Variants in NDUFAF2 observed in about 807,000 individuals in gnomAD.
NDUFAF2 encodes NADH:ubiquinone oxidoreductase complex assembly factor 2.
In NDUFAF2, 13 loss-of-function variants were observed where a neutral mutation model predicts 22.8. That is an observed-to-expected ratio of 0.57 (90% CI 0.37 to 0.91). The LOEUF (loss-of-function observed/expected upper bound fraction) is 0.91, where lower values mean the gene tolerates loss of function less well. Among genes scored for constraint, NDUFAF2 ranks in the 40% least tolerant of loss-of-function variants. The pLI, the probability that NDUFAF2 is intolerant of heterozygous loss-of-function variation, is 0.01. For synonymous variants in NDUFAF2, 53 were observed against 64.2 expected (o/e 0.83, Z 0.84); for missense variants, 162 against 195.2 (o/e 0.83, Z 1.01).
At chr5:60,963,242 C>G (rs900841924) in intron 1 of NDUFAF2, among the ~76,000 whole-genome samples, 4 of 152,054 alleles carry the variant, frequency 2.6e-5, no homozygotes, top group African/African-American at 9.7e-5. Context: ...TCTAAATGTC[C>G]CCTGATATAA....
At chr5:60,954,896 C>T (rs1442938364) in intron 1 of NDUFAF2, among the ~76,000 whole-genome samples, 1 of 152,102 alleles carries the variant, frequency 6.6e-6, no homozygotes, top group Non-Finnish European at 1.5e-5. Flanking sequence ...TGGAGAAATG[C>T]CTGTTAGTTC....
At chr5:61,047,260 A>G (rs906384217) in intron 1 of NDUFAF2, among the ~76,000 whole-genome samples, 1 of 152,154 alleles carries the variant, frequency 6.6e-6, no homozygotes, top group Non-Finnish European at 1.5e-5. Flanking sequence ...CTTTACATAT[A>G]GTAACTAATT....
intron 1 of NDUFAF2, among the ~76,000 whole-genome samples, chr5:60,997,561 C>T (rs1751244233): frequency 6.6e-6 from 1 of 152,122 alleles, no homozygotes; most frequent in Non-Finnish European, 1.5e-5. Context: ...GATTCATAAA[C>T]TGGAAGGTTA....
At chr5:60,968,602 ATG>A (rs1162746791) in intron 1 of NDUFAF2, among the ~76,000 whole-genome samples, 2 of 151,846 alleles carry the variant, frequency 1.3e-5, no homozygotes, top group Non-Finnish European at 2.9e-5. Flanking sequence ...TACATAGTAA[ATG>A]TATATATGTA....
At chr5:61,131,547 GT>G (rs1167741958) in intron 3 of NDUFAF2, among the ~76,000 whole-genome samples, 3 of 152,048 alleles carry the variant, frequency 2.0e-5, no homozygotes, top group Non-Finnish European at 4.4e-5. Flanking sequence ...ATACAAGAAT[GT>G]TGTTTGTAGT....
intron 3 of NDUFAF2, among the ~76,000 whole-genome samples, chr5:61,151,222 A>T (rs1218602195): frequency 6.6e-6 from 1 of 152,186 alleles, no homozygotes; most frequent in Non-Finnish European, 1.5e-5. Flanking sequence ...AATCAATATT[A>T]CTTGAAATTC....
At chr5:61,131,360 G>A (rs1579846873) in intron 3 of NDUFAF2, among the ~76,000 whole-genome samples, 1 of 151,596 alleles carries the variant, frequency 6.6e-6, no homozygotes, top group African/African-American at 2.4e-5. Context: ...GTTTTTTTGG[G>A]GGGTTTTTTG....
intron 1 of NDUFAF2, among the ~76,000 whole-genome samples, chr5:60,981,007 G>A (rs1750969505): frequency 6.6e-6 from 1 of 152,110 alleles, no homozygotes; most frequent in African/African-American, 2.4e-5. Flanking sequence ...GAGAGATGGG[G>A]TAGAAAGTTT....
At chr5:60,978,438 G>A (rs1580076502) in intron 1 of NDUFAF2, among the ~76,000 whole-genome samples, 1 of 152,136 alleles carries the variant, frequency 6.6e-6, no homozygotes, top group African/African-American at 2.4e-5. Context: ...TTCTGGGGAG[G>A]CCTCAGGAAA....
chr5:61,061,712 C>G (rs962436082), intron 1 of NDUFAF2, among the ~76,000 whole-genome samples: 2 of 152,096 alleles, frequency 1.3e-5, no homozygotes. Flanking sequence ...CTGAGGAACC[C>G]AACTCTCCAG....
intron 3 of NDUFAF2, among the ~76,000 whole-genome samples, chr5:61,131,905 A>G (rs1753117174): frequency 6.6e-6 from 1 of 151,994 alleles, no homozygotes; most frequent in Non-Finnish European, 1.5e-5. Context: ...ACATTTCTGT[A>G]TTTTTTTCAA....
At chr5:61,109,215 G>C (rs537633731) in intron 3 of NDUFAF2, among the ~76,000 whole-genome samples, 1 of 152,000 alleles carries the variant, frequency 6.6e-6, no homozygotes, top group Admixed American at 6.6e-5. Context: ...TTTGTTTGTA[G>C]CTATTGTAAA....
At chr5:61,049,897 A>ACACACG (rs1554081289) in intron 1 of NDUFAF2, among the ~76,000 whole-genome samples, 11 of 151,100 alleles carry the variant, frequency 7.3e-5, no homozygotes, top group African/African-American at 2.7e-4. Flanking sequence ...ACACACACAC[A>ACACACG]CACACACACA....
At chr5:60,986,196 G>A (rs992102128) in intron 1 of NDUFAF2, among the ~76,000 whole-genome samples, 2 of 152,214 alleles carry the variant, frequency 1.3e-5, no homozygotes, top group African/African-American at 2.4e-5. Context: ...CTACACTCTT[G>A]TGTTCATTGT....
At chr5:61,068,942 G>T (rs1401890478) in intron 1 of NDUFAF2, among the ~76,000 whole-genome samples, 2 of 152,042 alleles carry the variant, frequency 1.3e-5, no homozygotes, top group African/African-American at 4.8e-5. Context: ...CTGTTTGCTA[G>T]CAAGTAAATG....
intron 2 of NDUFAF2, among the ~76,000 whole-genome samples, chr5:61,098,373 A>G (rs1370019803): frequency 2.6e-5 from 4 of 152,196 alleles, no homozygotes; most frequent in African/African-American, 7.2e-5. Context: ...ACTTCCCTAA[A>G]GGCAGCTGCC....
intron 3 of NDUFAF2, among the ~76,000 whole-genome samples, chr5:61,117,710 T>C (rs1218084163): frequency 6.6e-6 from 1 of 152,060 alleles, no homozygotes; most frequent in African/African-American, 2.4e-5. Context: ...AAAGCACATA[T>C]ACAATGATAT....
At chr5:61,035,099 C>T (rs1335663424) in intron 1 of NDUFAF2, among the ~76,000 whole-genome samples, 5 of 150,646 alleles carry the variant, frequency 3.3e-5, no homozygotes, top group African/African-American at 9.8e-5. Context: ...CAGAGTCTCA[C>T]TCTGTCGCCC....
At chr5:60,986,039 C>G (rs925739677) in intron 1 of NDUFAF2, among the ~76,000 whole-genome samples, 23 of 152,178 alleles carry the variant, frequency 1.5e-4, no homozygotes, top group African/African-American at 5.3e-4. Flanking sequence ...ATGTACCATG[C>G]TGATGGGATT....
Sources: gnomAD v4.1 joint callset for allele counts (sites outside exome capture counted in the v4.1 genomes callset) on GRCh38, gnomAD v4.1.1 for gene constraint, MANE v1.5 for transcripts, NCBI Gene and HGNC (gene_info 2026-07-23, HGNC 2026-07-21) for gene names.